Variants in PPP3CA observed in about 807,000 individuals in gnomAD.
The protein encoded by PPP3CA is protein phosphatase 3 catalytic subunit alpha.
A neutral mutation model predicts 66.5 loss-of-function variants in PPP3CA; 14 were observed. The ratio of observed to expected loss-of-function variants is 0.21; its 90% confidence interval spans 0.14 to 0.33. PPP3CA has a LOEUF of 0.33. Ranked by LOEUF, PPP3CA falls within the 10% of genes least tolerant of loss-of-function variation. PPP3CA has a pLI of 1.00. For synonymous variants in PPP3CA, 232 were observed against 226.2 expected (o/e 1.03, Z -0.23); for missense variants, 317 against 639.5 (o/e 0.50, Z 5.44).
chr4:101,055,259 T>C (rs187248499), intron 10 of PPP3CA, among the ~76,000 whole-genome samples: 1 of 152,280 alleles, frequency 6.6e-6, no homozygotes, highest in Admixed American at 6.5e-5. Context: ...CTGTTAGCTC[T>C]ACTTTGGAAT....
At chr4:101,340,398 C>T (rs186013467) in intron 1 of PPP3CA, among the ~76,000 whole-genome samples, 12 of 152,154 alleles carry the variant, frequency 7.9e-5, no homozygotes, top group African/African-American at 2.9e-4. Context: ...AATTTATTGC[C>T]ACTTTGTCAG....
At chr4:101,171,331 C>T (rs867717779) in intron 2 of PPP3CA, 8 of 260,848 alleles carry the variant, frequency 3.1e-5, no homozygotes, top group Admixed American at 1.6e-4. Context: ...GATGCATACT[C>T]GTTTATGAAC....
chr4:101,239,067 T>C (rs1726218976), intron 1 of PPP3CA, among the ~76,000 whole-genome samples: 1 of 152,130 alleles, frequency 6.6e-6, no homozygotes, highest in Non-Finnish European at 1.5e-5. Flanking sequence ...AAACAGATTG[T>C]GAGGGGCTGC....
chr4:101,123,056 T>G (rs576531628), intron 2 of PPP3CA, among the ~76,000 whole-genome samples: 9 of 152,296 alleles, frequency 5.9e-5, no homozygotes, highest in African/African-American at 1.7e-4. Context: ...TCAATAAATA[T>G]TAAATGCTTA....
At chr4:101,146,869 G>GCATTATACTTATTGGTT (rs1390404318) in intron 2 of PPP3CA, among the ~76,000 whole-genome samples, 4 of 152,156 alleles carry the variant, frequency 2.6e-5, no homozygotes, top group African/African-American at 4.8e-5. Flanking sequence ...TGGAATATCT[G>GCATTATACTTATTGGTT]CATTATACTT....
intron 1 of PPP3CA, among the ~76,000 whole-genome samples, chr4:101,266,487 G>A (rs1014049883): frequency 3.3e-5 from 5 of 152,180 alleles, no homozygotes; most frequent in South Asian, 2.1e-4. Context: ...ATTATATAGC[G>A]TGATTAATCT....
chr4:101,149,620 T>C (rs950261461), intron 2 of PPP3CA, among the ~76,000 whole-genome samples: 1 of 152,136 alleles, frequency 6.6e-6, no homozygotes, highest in African/African-American at 2.4e-5. Flanking sequence ...ACTTAATGAT[T>C]TTCTCTAACC....
Position 101,023,658 on chromosome 4 carries a change from A to G in PPP3CA, c.*2207T>C, listed in dbSNP as rs1350071353. On this transcript the variant is annotated 3_prime_UTR_variant, in exon 14 of 14. Transcript: ENST00000394854. ...TTGCCACTTTTTTTAGGATGGAGAA[A>G]TATCCACAGGAAAAAATGTCTGAAT... The G allele has an allele frequency of 6.6e-6, 1 of 152,658 alleles. No homozygotes were observed. The highest frequency in any genetic ancestry group is 1.5e-5 in the Non-Finnish European group (1 of 68,036). The allele number at this position is 152,658 out of a possible 1,614,324, so 9.5% of individuals were successfully genotyped here. A position where few individuals can be genotyped will look rare whatever the true frequency, so the allele number is the denominator to read the frequency against.
intron 2 of PPP3CA, among the ~76,000 whole-genome samples, chr4:101,138,792 A>G (rs1402495833): frequency 2.0e-5 from 3 of 152,184 alleles, no homozygotes; most frequent in Admixed American, 6.5e-5. Context: ...TATTTTACAT[A>G]TGGTTACATA....
intron 8 of PPP3CA, among the ~76,000 whole-genome samples, chr4:101,071,480 A>G (rs1444707455): frequency 1.3e-5 from 2 of 152,202 alleles, no homozygotes; most frequent in East Asian, 3.8e-4. Context: ...CATTCCTCAG[A>G]TTGTTACTGT....
chr4:101,183,884 T>C (rs1451118694), intron 2 of PPP3CA, among the ~76,000 whole-genome samples: 1 of 152,168 alleles, frequency 6.6e-6, no homozygotes, highest in Non-Finnish European at 1.5e-5. Flanking sequence ...TATGATACAC[T>C]TACCCTATGA....
intron 2 of PPP3CA, among the ~76,000 whole-genome samples, chr4:101,162,928 CTA>C (rs1246569931): frequency 3.9e-5 from 6 of 152,140 alleles, no homozygotes. Context: ...AGCTGAAGCA[CTA>C]TGTTTCCCAG....
chr4:101,274,672 T>A (rs888197781), intron 1 of PPP3CA, among the ~76,000 whole-genome samples: 1 of 152,224 alleles, frequency 6.6e-6, no homozygotes, highest in Non-Finnish European at 1.5e-5. Context: ...ATGGATTACA[T>A]ATTTTTTTCA....
chr4:101,123,989 G>A (rs1259108533), intron 2 of PPP3CA, among the ~76,000 whole-genome samples: 2 of 152,192 alleles, frequency 1.3e-5, no homozygotes, highest in Non-Finnish European at 2.9e-5. Flanking sequence ...CAGAAGGTAA[G>A]CTCCCTATTC....
intron 10 of PPP3CA, among the ~76,000 whole-genome samples, chr4:101,040,912 C>A (rs543403196): frequency 1.3e-5 from 2 of 152,122 alleles, no homozygotes; most frequent in African/African-American, 2.4e-5. Context: ...ACAGAGACCA[C>A]GCATTGGGAG....
At chr4:101,188,501 T>C (rs943637309) in intron 2 of PPP3CA, among the ~76,000 whole-genome samples, 3 of 152,168 alleles carry the variant, frequency 2.0e-5, no homozygotes, top group Admixed American at 6.6e-5. Flanking sequence ...TTTTTCAAAA[T>C]ACATTTTGCT....
chr4:101,185,187 A>T (rs921741272), intron 2 of PPP3CA, among the ~76,000 whole-genome samples: 2 of 152,126 alleles, frequency 1.3e-5, no homozygotes, highest in Non-Finnish European at 2.9e-5. Flanking sequence ...GTAAAATTTC[A>T]GACAAGATTT....
chr4:101,319,163 C>T (rs1041025774), intron 1 of PPP3CA, among the ~76,000 whole-genome samples: 9 of 145,904 alleles, frequency 6.2e-5, no homozygotes, highest in African/African-American at 2.3e-4. Context: ...CTGAGTTATA[C>T]CATATTGAAA....
At chr4:101,056,527 T>C (rs1244111365) in intron 10 of PPP3CA, among the ~76,000 whole-genome samples, 1 of 152,182 alleles carries the variant, frequency 6.6e-6, no homozygotes, top group Non-Finnish European at 1.5e-5. Flanking sequence ...AGTCATGGAC[T>C]GTAGAGTAAC....
Sources: gnomAD v4.1 joint callset for allele counts (sites outside exome capture counted in the v4.1 genomes callset) on GRCh38, gnomAD v4.1.1 for gene constraint, MANE v1.5 for transcripts, NCBI Gene and HGNC (gene_info 2026-07-23, HGNC 2026-07-21) for gene names.